Variants in ZNF831 observed in about 807,000 individuals in gnomAD.
ZNF831 encodes zinc finger protein 831.
In ZNF831, 59 loss-of-function variants were observed where a neutral mutation model predicts 95.8. The observed-to-expected ratio is 0.62, with a 90% confidence interval of 0.50 to 0.77. ZNF831 has a LOEUF of 0.77. Among genes scored for constraint, ZNF831 ranks in the 30% least tolerant of loss-of-function variants. The pLI is 0.00. For synonymous variants in ZNF831, 961 were observed against 925.5 expected, an observed-to-expected ratio of 1.04 and a Z score of -0.70; for missense variants, 2,205 against 2,164.0, an observed-to-expected ratio of 1.02 and a Z score of -0.38.
Position 59,184,043 on chromosome 20 carries a change from C to A in ZNF831, c.-36-6941C>A, listed in dbSNP as rs987884756. On this transcript the variant is annotated intron_variant, in intron 1 of 5. Coordinates refer to ENST00000371030, the MANE Select transcript of ZNF831 (RefSeq NM_178457.3). ...CCCACCTCTTCATCCCCTCCTCCCC[C>A]AACCCCTGGCAACCCCTGACCTTTT... Among the ~76,000 whole-genome samples the A allele has an allele frequency of 6.5e-4, 99 of 152,056 alleles. 1 individual carries two copies. The highest frequency in any genetic ancestry group is 1.9e-4 in the East Asian group (1 of 5,190).
chr20:59,205,131 G>T (rs540298697), intron 3 of ZNF831, among the ~76,000 whole-genome samples: 2 of 152,154 alleles, frequency 1.3e-5, no homozygotes, highest in African/African-American at 2.4e-5. Flanking sequence ...AAACTGTGCC[G>T]TTCTTAACAC....
rs187814036 is a variant in ZNF831 at position 59,143,654 on chromosome 20, G to A, written c.-1424-2577G>A. 1.3e-3 allele frequency among the ~76,000 whole-genome samples: 191 copies of A among 152,312 alleles called. 1 individual carries two copies. Among genetic ancestry groups the A allele is most frequent in the Middle Eastern group, 0.01 (3 of 294 alleles). On this transcript the variant is annotated intron_variant, in intron 1 of 7. Coordinates refer to the ZNF831 transcript ENST00000637017. ...GCACCTTCGGGGTCCTTCTGGGGAG[G>A]AGGATGGGTTTCCTGATCAGAACAT...
chr20:59,252,151 C>T (rs1359886206), intron 4 of ZNF831, among the ~76,000 whole-genome samples: 4 of 152,136 alleles, frequency 2.6e-5, no homozygotes, highest in African/African-American at 9.7e-5. Flanking sequence ...AAAAGACTCC[C>T]GAATGGGAAA....
At chr20:59,202,661 T>C (rs577921398) in intron 3 of ZNF831, among the ~76,000 whole-genome samples, 21 of 152,216 alleles carry the variant, frequency 1.4e-4, no homozygotes, top group Non-Finnish European at 2.6e-4. Context: ...CTTTCAGAGG[T>C]CTCAGCTTTA....
intron 1 of ZNF831, among the ~76,000 whole-genome samples, chr20:59,165,895 G>A (rs1981220811): frequency 6.6e-6 from 1 of 152,050 alleles, no homozygotes; most frequent in Non-Finnish European, 1.5e-5. Context: ...GATTATAGGT[G>A]CTCACCACCA....
chr20:59,125,242 T>TG (rs1217605030), intron 1 of ZNF831, among the ~76,000 whole-genome samples: 1 of 152,234 alleles, frequency 6.6e-6, no homozygotes, highest in East Asian at 1.9e-4. Flanking sequence ...CTGTGGCTCT[T>TG]GCGCACTCGC....
intron 1 of ZNF831, among the ~76,000 whole-genome samples, chr20:59,186,701 T>G (rs555782318): frequency 6.6e-6 from 1 of 152,348 alleles, no homozygotes; most frequent in South Asian, 2.1e-4. Flanking sequence ...CTATTAGCTC[T>G]TATCCGTTCT....
chr20:59,231,590 G>A (rs1055099144), intron 4 of ZNF831, among the ~76,000 whole-genome samples: 3 of 152,210 alleles, frequency 2.0e-5, no homozygotes, highest in Admixed American at 6.5e-5. Flanking sequence ...AAGAAAGTAA[G>A]TGATACTGTT....
chr20:59,140,728 G>A (rs539722280), intron 1 of ZNF831, among the ~76,000 whole-genome samples: 9 of 152,206 alleles, frequency 5.9e-5, no homozygotes, highest in African/African-American at 2.2e-4. Flanking sequence ...AGCATTTGGT[G>A]TTGTCATTTT....
intron 2 of ZNF831, among the ~76,000 whole-genome samples, chr20:59,148,788 T>C (rs1980047483): frequency 7.2e-6 from 1 of 139,264 alleles, no homozygotes; most frequent in Non-Finnish European, 1.5e-5. Flanking sequence ...CTCAATTCCA[T>C]CCTGTCACCC....
chr20:59,219,640 T>C (rs912114921), intron 4 of ZNF831, among the ~76,000 whole-genome samples: 2 of 152,152 alleles, frequency 1.3e-5, no homozygotes, highest in Non-Finnish European at 2.9e-5. Flanking sequence ...GAAAGGAATG[T>C]CAGCAGGGCA....
chr20:59,189,493 T>G (rs993529418), intron 1 of ZNF831, among the ~76,000 whole-genome samples: 4 of 152,130 alleles, frequency 2.6e-5, no homozygotes, highest in African/African-American at 7.2e-5. Context: ...ACTTCTATGT[T>G]TTTTATTATT....
chr20:59,178,870 T>G (rs1249683900), intron 1 of ZNF831, among the ~76,000 whole-genome samples: 1 of 152,110 alleles, frequency 6.6e-6, no homozygotes, highest in African/African-American at 2.4e-5. Flanking sequence ...CTCATCTGAG[T>G]CACAGGACTT....
At chr20:59,224,161 C>T (rs1047328233) in intron 4 of ZNF831, among the ~76,000 whole-genome samples, 2 of 152,226 alleles carry the variant, frequency 1.3e-5, no homozygotes, top group East Asian at 1.9e-4. Flanking sequence ...TGTGATGGTG[C>T]GTGGCGGGTG....
chr20:59,156,141 A>G (rs1454931930), intron 2 of ZNF831, among the ~76,000 whole-genome samples: 3 of 152,222 alleles, frequency 2.0e-5, no homozygotes, highest in African/African-American at 7.2e-5. Context: ...AGCACCATTA[A>G]GGCCGTAGAC....
chr20:59,217,827 G>A lies in ZNF831; in HGVS notation c.4027+10771G>A, dbSNP rs1377245363. 6.6e-6 allele frequency among the ~76,000 whole-genome samples: 1 copy of A among 152,138 alleles called. No homozygotes were observed. The highest frequency in any genetic ancestry group is 2.4e-5 in the African/African-American group (1 of 41,420). On this transcript the variant is annotated intron_variant, in intron 4 of 5. Transcript: ENST00000371030. This position sits in a 1 kb window ranked among gnomAD's most constrained non-coding sequence, Gnocchi z 4.4. ...AGAAGTAAGTTTCTCTTGACCAGAT[G>A]TTATGTCCACTGGGCACAATTTGAT...
At chr20:59,171,486 G>C (rs1026121626) in intron 1 of ZNF831, among the ~76,000 whole-genome samples, 8 of 152,162 alleles carry the variant, frequency 5.3e-5, no homozygotes, top group African/African-American at 1.9e-4. Context: ...CACCTAACAA[G>C]ATACATCCAT....
At chr20:59,165,308 C>CCAAGCAGAGAACAATTTTGAAT (rs1981172152) in intron 1 of ZNF831, among the ~76,000 whole-genome samples, 1 of 152,096 alleles carries the variant, frequency 6.6e-6, no homozygotes. Context: ...AGAACCAAGA[C>CCAAGCAGAGAACAATTTTGAAT]TGTAAAAGGG....
rs201079519 is a variant in ZNF831, at chr20:59,217,162, CTGTGTGTGTG to C, written c.4027+10130_4027+10139del. On this transcript the variant is annotated intron_variant, in intron 4 of 5. Transcript: ENST00000371030. The surrounding 1 kb of genome is among the most constrained non-coding windows in gnomAD (Gnocchi z 4.4). ...GAGTACATCTGACAGATCTTCATCTCTGTGTGTGTGTGTGTGTGTGTGTGTGTGTGTGTAA... is the reference window on the plus strand; with the variant it reads ...GAGTACATCTGACAGATCTTCATCTCTGTGTGTGTGTGTGTGTGTGTGTAA... Among the ~76,000 whole-genome samples the C allele has an allele frequency of 5.0e-4, 74 of 148,738 alleles. No homozygotes were observed. The highest frequency in any genetic ancestry group is 1.1e-3 in the African/African-American group (43 of 40,268).
Sources: allele counts gnomAD v4.1 joint callset (sites outside exome capture counted in the v4.1 genomes callset), GRCh38; gene constraint gnomAD v4.1.1; non-coding constraint Gnocchi (gnomAD v3.1); transcripts MANE v1.5; gene names NCBI Gene and HGNC (gene_info 2026-07-23, HGNC 2026-07-21).